The following KCND2 variants were observed in gnomAD, a reference collection of about 807,000 sequenced individuals.
KCND2 encodes A-type voltage-gated potassium channel KCND2.
In KCND2, 16 loss-of-function variants were observed where a neutral mutation model predicts 54.4. The observed-to-expected ratio is 0.29, with a 90% CI of 0.20 to 0.45. The LOEUF (loss-of-function observed/expected upper bound fraction) is 0.45, where lower values mean the gene tolerates loss of function less well. Ranked by LOEUF, KCND2 falls within the 20% of genes least tolerant of loss-of-function variation. The probability of loss-of-function intolerance (pLI) is 1.00; values close to 1 mark genes in which losing one functional copy is unlikely to be tolerated. For missense variants in KCND2, 486 were observed against 824.2 expected, an observed-to-expected ratio of 0.59 and a Z score of 5.02; for synonymous variants, 317 against 310.7, an observed-to-expected ratio of 1.02 and a Z score of -0.21.
intron 1 of KCND2, among the ~76,000 whole-genome samples, chr7:120,719,753 GAATAGTATT>G (rs941121330): frequency 1.4e-4 from 21 of 152,074 alleles, no homozygotes; most frequent in African/African-American, 4.8e-4. Flanking sequence ...GTTGAACCCG[GAATAGTATT>G]CATTTTTAAA....
At chr7:120,556,139 T>G (rs1792160459) in intron 1 of KCND2, among the ~76,000 whole-genome samples, 1 of 152,156 alleles carries the variant, frequency 6.6e-6, no homozygotes, top group Non-Finnish European at 1.5e-5. Context: ...TCAAAGAGAT[T>G]GATATTAGGT....
intron 1 of KCND2, among the ~76,000 whole-genome samples, chr7:120,451,659 C>T (rs1418602416): frequency 6.6e-6 from 1 of 152,210 alleles, no homozygotes; most frequent in Non-Finnish European, 1.5e-5. Context: ...AAACACATGT[C>T]TCACATGATC....
intron 1 of KCND2, among the ~76,000 whole-genome samples, chr7:120,700,027 C>A (rs1792380923): frequency 6.6e-6 from 1 of 151,996 alleles, no homozygotes; most frequent in African/African-American, 2.4e-5. Context: ...AGAATCAGGA[C>A]AAGAGCTCTC....
chr7:120,697,418 T>C lies in KCND2; in HGVS notation c.1116-35485T>C, dbSNP rs761834458. On this transcript the variant is annotated intron_variant, in intron 1 of 5. Coordinates refer to ENST00000331113, the MANE Select transcript of KCND2 (RefSeq NM_012281.3). ...TAATTATTTGTTTTAGAAACTAAAGTAGAGCTTGAGGATATTTTAAAAGAA... is the reference window on the plus strand; with the variant it reads ...TAATTATTTGTTTTAGAAACTAAAGCAGAGCTTGAGGATATTTTAAAAGAA... 6.5e-4 allele frequency among the ~76,000 whole-genome samples: 99 copies of C among 152,218 alleles called. 1 individual carries two copies. The highest frequency in any genetic ancestry group is 1.2e-3 in the Non-Finnish European group (83 of 68,000).
intron 1 of KCND2, among the ~76,000 whole-genome samples, chr7:120,476,416 G>A (rs1802534481): frequency 6.6e-6 from 1 of 152,214 alleles, no homozygotes; most frequent in Non-Finnish European, 1.5e-5. Flanking sequence ...GTCAATAACA[G>A]TGATTGGCCT....
At chr7:120,521,185 A>G (rs1791687321) in intron 1 of KCND2, among the ~76,000 whole-genome samples, 2 of 152,178 alleles carry the variant, frequency 1.3e-5, no homozygotes, top group South Asian at 2.1e-4. Flanking sequence ...TAAAAATACT[A>G]TAAATGTAGT....
intron 1 of KCND2, among the ~76,000 whole-genome samples, chr7:120,534,830 C>T (rs1179893678): frequency 6.6e-6 from 1 of 151,988 alleles, no homozygotes; most frequent in East Asian, 1.9e-4. Context: ...TTATAAAATA[C>T]TGTTCAATGT....
chr7:120,361,399 CTT>C (rs879686467), intron 1 of KCND2, among the ~76,000 whole-genome samples: 5 of 146,124 alleles, frequency 3.4e-5, no homozygotes, highest in African/African-American at 1.0e-4. Context: ...CTCTCTCTCT[CTT>C]TTTTTTTTTT....
intron 1 of KCND2, among the ~76,000 whole-genome samples, chr7:120,630,573 G>A (rs1053920810): frequency 5.3e-5 from 8 of 151,880 alleles, no homozygotes. Flanking sequence ...AGGAATTGTG[G>A]GGAAAACATA....
chr7:120,690,992 A>G (rs1792261743), intron 1 of KCND2, among the ~76,000 whole-genome samples: 1 of 152,212 alleles, frequency 6.6e-6, no homozygotes, highest in South Asian at 2.1e-4. Flanking sequence ...CACCAAGAAG[A>G]TGACATTTAA....
At chr7:120,696,042 G>A (rs906873850) in intron 1 of KCND2, among the ~76,000 whole-genome samples, 1 of 152,090 alleles carries the variant, frequency 6.6e-6, no homozygotes, top group African/African-American at 2.4e-5. Context: ...CCACTCCTGG[G>A]AACATCAAAC....
At chr7:120,512,588 G>A (rs1436288403) in intron 1 of KCND2, among the ~76,000 whole-genome samples, 1 of 151,900 alleles carries the variant, frequency 6.6e-6, no homozygotes, top group Non-Finnish European at 1.5e-5. Flanking sequence ...TCTTGTGGAG[G>A]CTCATTATGA....
intron 1 of KCND2, among the ~76,000 whole-genome samples, chr7:120,509,651 G>A (rs1039161383): frequency 6.6e-6 from 1 of 151,884 alleles, no homozygotes; most frequent in Non-Finnish European, 1.5e-5. Context: ...TATTTTATTT[G>A]TACATGGAAT....
chr7:120,503,949 A>C (rs1216306926), intron 1 of KCND2, among the ~76,000 whole-genome samples: 10 of 152,042 alleles, frequency 6.6e-5, no homozygotes, highest in Admixed American at 6.6e-4. Context: ...GCCTTGAAAA[A>C]TCTTTTGCTC....
chr7:120,407,736 T>C (rs1801383620), intron 1 of KCND2, among the ~76,000 whole-genome samples: 1 of 150,666 alleles, frequency 6.6e-6, no homozygotes, highest in Non-Finnish European at 1.5e-5. Flanking sequence ...TAATATAATA[T>C]AGAAACCTTA....
chr7:120,293,631 C>A (rs1799468778), intron 1 of KCND2, among the ~76,000 whole-genome samples: 1 of 151,914 alleles, frequency 6.6e-6, no homozygotes, highest in Non-Finnish European at 1.5e-5. Context: ...GAAATGCAAT[C>A]ATCATTATTA....
intron 1 of KCND2, among the ~76,000 whole-genome samples, chr7:120,449,328 C>CA (rs58305865): frequency 0.098 from 12,279 of 125,284 alleles, 1,279 homozygotes; most frequent in East Asian, 0.54. Context: ...GACTCCGTCT[C>CA]AAAAAAAAAA....
At chr7:120,537,270 T>C (rs1250243329) in intron 1 of KCND2, among the ~76,000 whole-genome samples, 1 of 152,168 alleles carries the variant, frequency 6.6e-6, no homozygotes, top group Non-Finnish European at 1.5e-5. Context: ...GAAACTTTCT[T>C]TTTTTTCTGA....
intron 1 of KCND2, among the ~76,000 whole-genome samples, chr7:120,368,986 C>G (rs1479478765): frequency 6.6e-6 from 1 of 152,006 alleles, no homozygotes; most frequent in Non-Finnish European, 1.5e-5. Context: ...CCAAACTAAG[C>G]TGGAGCTACT....
Sources: allele counts gnomAD v4.1 joint callset (sites outside exome capture counted in the v4.1 genomes callset), GRCh38; gene constraint gnomAD v4.1.1; transcripts MANE v1.5; gene names NCBI Gene and HGNC (gene_info 2026-07-23, HGNC 2026-07-21).